Variants in CDKAL1 observed in about 807,000 individuals in gnomAD.
CDKAL1 encodes the protein CDKAL1 threonylcarbamoyladenosine tRNA methylthiotransferase, also known as threonylcarbamoyladenosine tRNA methylthiotransferase.
In CDKAL1, 32 loss-of-function variants were observed where a neutral mutation model predicts 68.2. The observed-to-expected ratio is 0.47, with a 90% CI of 0.35 to 0.63. The LOEUF is 0.63. CDKAL1 is among the 30% of genes least tolerant of loss of function. CDKAL1 has a pLI of 0.00. For synonymous variants in CDKAL1, 234 were observed against 244.3 expected (o/e 0.96, Z 0.39); for missense variants, 606 against 696.7 (o/e 0.87, Z 1.47).
intron 9 of CDKAL1, among the ~76,000 whole-genome samples, chr6:20,884,020 A>G (rs910752069): frequency 6.6e-6 from 1 of 152,216 alleles, no homozygotes; most frequent in Non-Finnish European, 1.5e-5. Flanking sequence ...AAGATATCAG[A>G]AGAAAAGAAA....
chr6:20,966,294 G>A (rs1765308332), intron 10 of CDKAL1, among the ~76,000 whole-genome samples: 1 of 152,094 alleles, frequency 6.6e-6, no homozygotes, highest in South Asian at 2.1e-4. Flanking sequence ...AAAATGTTAA[G>A]CTTTCAAAAT....
chr6:21,087,978 C>T lies in CDKAL1; in HGVS notation c.1237-20423C>T, dbSNP rs181846088. Among the ~76,000 whole-genome samples the T allele has an allele frequency of 3.4e-3, 520 of 152,072 alleles. 2 individuals are homozygous for T. The highest frequency in any genetic ancestry group is 0.011 in the African/African-American group (458 of 41,474). On this transcript the variant is annotated intron_variant, in intron 12 of 15. Coordinates refer to ENST00000274695, the MANE Select transcript of CDKAL1 (RefSeq NM_017774.3). ...GGGTTTTTATATGTACAGGATGGGA[C>T]GGGACAGGGCCATGGGTTGTTTAGG...
intron 8 of CDKAL1, among the ~76,000 whole-genome samples, chr6:20,834,905 A>G (rs541616487): frequency 6.6e-6 from 1 of 152,336 alleles, no homozygotes; most frequent in East Asian, 1.9e-4. Context: ...CTATCACCCC[A>G]TAGTGCCATA....
intron 11 of CDKAL1, among the ~76,000 whole-genome samples, chr6:21,018,872 C>T (rs1323240145): frequency 5.3e-5 from 8 of 152,008 alleles, no homozygotes; most frequent in African/African-American, 9.7e-5. Context: ...GTTTTTTTCT[C>T]GTGGTAAAAG....
chr6:20,669,687 G>A (rs755645953), intron 5 of CDKAL1, among the ~76,000 whole-genome samples: 19 of 152,070 alleles, frequency 1.2e-4, no homozygotes, highest in Admixed American at 3.9e-4. Context: ...CTTTTAATAT[G>A]CTTCTGTTTT....
chr6:21,028,097 G>T (rs1245320616), intron 11 of CDKAL1, among the ~76,000 whole-genome samples: 1 of 152,146 alleles, frequency 6.6e-6, no homozygotes, highest in Non-Finnish European at 1.5e-5. Context: ...GTGTATTAGG[G>T]TCATCTGGGC....
At chr6:20,592,533 A>G (rs1464605671) in intron 4 of CDKAL1, among the ~76,000 whole-genome samples, 5 of 149,854 alleles carry the variant, frequency 3.3e-5, no homozygotes, top group Non-Finnish European at 7.4e-5. Context: ...CAATGGTGCA[A>G]TTTCGGCCCA....
At chr6:20,638,690 C>T (rs1460041564) in intron 4 of CDKAL1, among the ~76,000 whole-genome samples, 1 of 151,132 alleles carries the variant, frequency 6.6e-6, no homozygotes, top group African/African-American at 2.4e-5. Flanking sequence ...CAGCTCACTG[C>T]AACCTCCAAC....
intron 5 of CDKAL1, among the ~76,000 whole-genome samples, chr6:20,703,580 TTCCATTTGAATGA>T (rs1771469249): frequency 6.6e-6 from 1 of 152,232 alleles, no homozygotes; most frequent in Non-Finnish European, 1.5e-5. Flanking sequence ...ATAGTTATTG[TTCCATTTGAATGA>T]AGTAAAAATG....
intron 5 of CDKAL1, among the ~76,000 whole-genome samples, chr6:20,692,102 C>T (rs575666463): frequency 6.6e-6 from 1 of 152,162 alleles, no homozygotes; most frequent in Non-Finnish European, 1.5e-5. Context: ...GACATTTTGA[C>T]ATTTACATAA....
At chr6:20,564,417 A>AT (rs1345821769) in intron 4 of CDKAL1, among the ~76,000 whole-genome samples, 3 of 152,166 alleles carry the variant, frequency 2.0e-5, no homozygotes, top group South Asian at 4.1e-4. Context: ...TTTAATTTGC[A>AT]TTTTTTGATG....
intron 8 of CDKAL1, among the ~76,000 whole-genome samples, chr6:20,809,623 A>G (rs9465899): frequency 0.29 from 43,454 of 152,104 alleles, 6,734 homozygotes; most frequent in East Asian, 0.53. Context: ...CCCAGAATGC[A>G]TCATTCTAGT....
chr6:20,535,633 A>G (rs1039609275), intron 2 of CDKAL1, among the ~76,000 whole-genome samples: 4 of 151,962 alleles, frequency 2.6e-5, no homozygotes, highest in African/African-American at 9.7e-5. Flanking sequence ...TTTGCCTTCC[A>G]TGGCCCATGG....
intron 13 of CDKAL1, among the ~76,000 whole-genome samples, chr6:21,161,011 C>T (rs1776902964): frequency 6.6e-6 from 1 of 151,984 alleles, no homozygotes; most frequent in South Asian, 2.1e-4. Flanking sequence ...AAATAGGGAT[C>T]AATGGTAATA....
intron 4 of CDKAL1, among the ~76,000 whole-genome samples, chr6:20,604,731 A>C (rs1766260601): frequency 1.3e-5 from 2 of 152,236 alleles, no homozygotes; most frequent in Non-Finnish European, 2.9e-5. Flanking sequence ...ATTGAAAGGC[A>C]GTACCATGAA....
At chr6:20,676,312 C>T (rs555444070) in intron 5 of CDKAL1, among the ~76,000 whole-genome samples, 9 of 152,240 alleles carry the variant, frequency 5.9e-5, no homozygotes, top group African/African-American at 1.9e-4. Context: ...CACTGACTCA[C>T]GCAGAGCAAC....
intron 13 of CDKAL1, among the ~76,000 whole-genome samples, chr6:21,193,314 G>C (rs1224912947): frequency 1.3e-5 from 2 of 152,182 alleles, no homozygotes; most frequent in African/African-American, 4.8e-5. Flanking sequence ...AAGAGAGAGA[G>C]AGAGAGAGAA....
intron 7 of CDKAL1, among the ~76,000 whole-genome samples, chr6:20,765,974 T>G (rs997613527): frequency 6.6e-6 from 1 of 152,078 alleles, no homozygotes; most frequent in African/African-American, 2.4e-5. Flanking sequence ...GTTCACTGGG[T>G]TTTTTTAAAT....
At chr6:20,564,601 A>G (rs946722093) in intron 4 of CDKAL1, among the ~76,000 whole-genome samples, 5 of 152,184 alleles carry the variant, frequency 3.3e-5, no homozygotes, top group African/African-American at 1.2e-4. Flanking sequence ...CATTTTGTAG[A>G]TATAAACTCC....
Sources: allele counts gnomAD v4.1 joint callset (sites outside exome capture counted in the v4.1 genomes callset), GRCh38; gene constraint gnomAD v4.1.1; transcripts MANE v1.5; gene names NCBI Gene and HGNC (gene_info 2026-07-23, HGNC 2026-07-21).